The following CDH13 variants were observed in gnomAD, a reference collection of about 807,000 sequenced individuals.
The protein encoded by CDH13 is cadherin-13.
Under a neutral mutation model 63.8 loss-of-function variants are expected in CDH13, and 24 were observed. That is an observed-to-expected ratio of 0.38 (90% CI 0.27 to 0.53). The LOEUF is 0.53. CDH13 is among the 20% of genes least tolerant of loss of function. The probability of loss-of-function intolerance (pLI) is 0.85; values close to 1 mark genes in which losing one functional copy is unlikely to be tolerated. For synonymous variants in CDH13, 503 were observed against 355.3 expected (o/e 1.42, Z -4.67); for missense variants, 1,049 against 903.1 (o/e 1.16, Z -2.07).
At chr16:83,747,813 G>C (rs535277981) in intron 10 of CDH13, among the ~76,000 whole-genome samples, 1 of 150,582 alleles carries the variant, frequency 6.6e-6, no homozygotes, top group South Asian at 2.1e-4. Flanking sequence ...CTCAGGATTT[G>C]GGCTGTGAAT....
chr16:83,099,555 C>T (rs138710282), intron 3 of CDH13, among the ~76,000 whole-genome samples: 2 of 129,760 alleles, frequency 1.5e-5, no homozygotes, highest in Non-Finnish European at 3.4e-5. Flanking sequence ...AAGTCCTAAC[C>T]TCATGTGATC....
chr16:82,888,918 T>C (rs1307904374), intron 2 of CDH13, among the ~76,000 whole-genome samples: 1 of 152,218 alleles, frequency 6.6e-6, no homozygotes, highest in African/African-American at 2.4e-5. Context: ...GCTTTCGATT[T>C]GCCCAAGTTT....
intron 5 of CDH13, among the ~76,000 whole-genome samples, chr16:83,292,445 C>T (rs2089487587): frequency 6.6e-6 from 1 of 152,138 alleles, no homozygotes; most frequent in South Asian, 2.1e-4. Context: ...AAGAACTCTC[C>T]ATTACTCCCC....
chr16:83,568,947 G>A (rs1904324273), intron 7 of CDH13, among the ~76,000 whole-genome samples: 1 of 151,994 alleles, frequency 6.6e-6, no homozygotes, highest in Non-Finnish European at 1.5e-5. Flanking sequence ...ACTGCCTCCA[G>A]AACATTCTCC....
intron 6 of CDH13, among the ~76,000 whole-genome samples, chr16:83,405,786 T>C (rs2092033546): frequency 6.6e-6 from 1 of 152,222 alleles, no homozygotes; most frequent in African/African-American, 2.4e-5. Context: ...TCTCCCAAAT[T>C]AGGTTTACAA....
At position 83,504,460 on chromosome 16, in the gene CDH13, A is replaced by G. The variant is rs373754615; in HGVS notation, c.960+17805A>G. 2.6e-4 allele frequency among the ~76,000 whole-genome samples: 39 copies of G among 152,354 alleles called. No homozygotes were observed. In the East Asian group the frequency reaches 6.5e-3, roughly 26 times the overall value. On this transcript the variant is annotated intron_variant, in intron 7 of 13. Coordinates refer to ENST00000567109, the MANE Select transcript of CDH13 (RefSeq NM_001257.5). The stretch of plus-strand genomic sequence containing the variant: ...CCACCAGAAGACACTCAGCCTGTCC[A>G]GTGTCGCTACCACTGGGACGGGCAA...
intron 7 of CDH13, among the ~76,000 whole-genome samples, chr16:83,588,018 A>C (rs1906339789): frequency 6.6e-6 from 1 of 151,382 alleles, no homozygotes; most frequent in Non-Finnish European, 1.5e-5. Context: ...ATACCATAAC[A>C]TCCCTCCTTC....
At chr16:83,611,316 C>T (rs1187746100) in intron 8 of CDH13, among the ~76,000 whole-genome samples, 1 of 151,838 alleles carries the variant, frequency 6.6e-6, no homozygotes, top group Non-Finnish European at 1.5e-5. Context: ...GTCATCTGTG[C>T]TCTATTTTTG....
rs376356442 is a variant in CDH13, at chr16:82,876,348, C to T, written c.157+17875C>T. 2.6e-5 allele frequency among the ~76,000 whole-genome samples: 4 copies of T among 152,168 alleles called. No individual in the cohort carries two copies. In the East Asian group the frequency reaches 7.7e-4, roughly 29 times the overall value. On this transcript the variant is annotated intron_variant, in intron 2 of 13. Transcript: ENST00000567109. ...ATTGAGTAGTGAATAGTACATTTTC[C>T]TAGATAATTAAATAATCTTTGAATT...
intron 5 of CDH13, among the ~76,000 whole-genome samples, chr16:83,307,463 G>T (rs2089906212): frequency 6.6e-6 from 1 of 152,156 alleles, no homozygotes. Context: ...AATTGCACTT[G>T]TCTGTAGTTG....
At chr16:83,784,492 C>G (rs1210870625) in intron 13 of CDH13, among the ~76,000 whole-genome samples, 1 of 151,966 alleles carries the variant, frequency 6.6e-6, no homozygotes, top group African/African-American at 2.4e-5. Flanking sequence ...ATTAGCCAGC[C>G]ATGGTGGCAC....
intron 1 of CDH13, among the ~76,000 whole-genome samples, chr16:82,661,604 C>G (rs939015812): frequency 8.5e-5 from 13 of 152,308 alleles, no homozygotes; most frequent in Middle Eastern, 3.4e-3. Context: ...TTTCAGGGAG[C>G]CTGTGCAACT....
At chr16:83,794,286 GTGAGCCTA>G (rs1289356644) in intron 13 of CDH13, among the ~76,000 whole-genome samples, 1 of 152,182 alleles carries the variant, frequency 6.6e-6, no homozygotes, top group Admixed American at 6.5e-5. Flanking sequence ...TGGCTCACAG[GTGAGCCTA>G]TAACCCCCAG....
intron 1 of CDH13, among the ~76,000 whole-genome samples, chr16:82,784,249 C>T (rs1459545100): frequency 1.3e-5 from 2 of 152,194 alleles, no homozygotes; most frequent in African/African-American, 2.4e-5. Context: ...ATCTGGTCTT[C>T]AAAGTGACCT....
chr16:83,189,370 T>C (rs2038624718), intron 4 of CDH13, among the ~76,000 whole-genome samples: 1 of 152,240 alleles, frequency 6.6e-6, no homozygotes, highest in South Asian at 2.1e-4. Context: ...AAATCCTCTG[T>C]GGATTACCTC....
At chr16:83,781,447 G>T (rs1364115) in intron 12 of CDH13, among the ~76,000 whole-genome samples, 2 of 152,038 alleles carry the variant, frequency 1.3e-5, no homozygotes, top group South Asian at 4.1e-4. Flanking sequence ...AGAGAATTAC[G>T]CATTTCATTA....
At chr16:82,726,150 G>C (rs1342893634) in intron 1 of CDH13, among the ~76,000 whole-genome samples, 6 of 152,174 alleles carry the variant, frequency 3.9e-5, no homozygotes, top group East Asian at 1.9e-4. Context: ...TGTGTGTGCT[G>C]TGTGCATGTG....
rs1904275651 is a variant in CDH13, at chr16:83,795,159, T to G, written c.*129T>G. On this transcript the variant is annotated 3_prime_UTR_variant, in exon 14 of 14. Transcript: ENST00000567109. The stretch of plus-strand genomic sequence containing the variant: ...CAACTAGGCCTCAATTGTTCCGGTT[T>G]TTTATTTTCTTTACAATTTCACTTA... 1 of 700,822 alleles carries G rather than the reference T, an allele frequency of 1.4e-6. No individual in the cohort carries two copies. Among genetic ancestry groups the G allele is most frequent in the Non-Finnish European group, 2.4e-6 (1 of 418,572 alleles). 43.4% of individuals were successfully genotyped at this position (700,822 alleles called of 1,614,324 possible). A position where few individuals can be genotyped will look rare whatever the true frequency, so the allele number is the denominator to read the frequency against.
rs149085699 is a variant in CDH13 at position 83,075,536 on chromosome 16, G to A, written c.366+43318G>A. 4.3e-3 allele frequency among the ~76,000 whole-genome samples: 651 copies of A among 152,330 alleles called. 5 individuals are homozygous for A. Among genetic ancestry groups the A allele is most frequent in the African/African-American group, 0.015 (616 of 41,580 alleles). On this transcript the variant is annotated intron_variant, in intron 3 of 13. Transcript: ENST00000567109. ...AAGGGAACAGGGTTGTGGTTGCTGA[G>A]CATTGCATCCAGTGCGTACCTTGTT...
Sources: gnomAD v4.1 joint callset for allele counts (sites outside exome capture counted in the v4.1 genomes callset) on GRCh38, gnomAD v4.1.1 for gene constraint, MANE v1.5 for transcripts, NCBI Gene and HGNC (gene_info 2026-07-23, HGNC 2026-07-21) for gene names.